The following BLTP2 variants were observed in gnomAD, a reference collection of about 807,000 sequenced individuals.
The protein encoded by BLTP2 is bridge-like lipid transfer protein family member 2, also known as U937-associated antigen.
the BLTP2 span, chr17:28,642,436 G>C: frequency 1.1e-6 from 1 of 898,094 alleles, no homozygotes; most frequent in Admixed American, 1.8e-5. Flanking sequence ...AGGATCATGA[G>C]GTCAGGAGAT....
the BLTP2 span, among the ~76,000 whole-genome samples, chr17:28,624,961 T>C: frequency 1.3e-5 from 2 of 152,166 alleles, no homozygotes; most frequent in African/African-American, 4.8e-5. Context: ...AGTCTGCCTG[T>C]ATTGTGACCT....
At chr17:28,628,248 C>T in the BLTP2 span, 5 of 1,611,130 alleles carry the variant, frequency 3.1e-6, no homozygotes, top group Non-Finnish European at 3.4e-6. Context: ...CAAAAAGTCT[C>T]ATCTCCCCGA....
the BLTP2 span, among the ~76,000 whole-genome samples, chr17:28,625,047 G>GT: frequency 6.6e-6 from 1 of 152,146 alleles, no homozygotes; most frequent in Non-Finnish European, 1.5e-5. Context: ...TGCTATGAAA[G>GT]TTTAACGGGG....
At chr17:28,626,026 G>C in the BLTP2 span, among the ~76,000 whole-genome samples, 1 of 152,192 alleles carries the variant, frequency 6.6e-6, no homozygotes, top group East Asian at 1.9e-4. Context: ...GCCTCCCAAA[G>C]TGCTGGGACT....
the BLTP2 span, among the ~76,000 whole-genome samples, chr17:28,630,439 T>C: frequency 6.6e-6 from 1 of 151,044 alleles, no homozygotes; most frequent in Non-Finnish European, 1.5e-5. Context: ...ATTACAGGCA[T>C]GAGCCACCTG....
chr17:28,624,427 C>T, the BLTP2 span: 2 of 1,588,430 alleles, frequency 1.3e-6, no homozygotes, highest in Admixed American at 3.5e-5. Context: ...AGGTCACAGT[C>T]TCAAAGGGAA....
chr17:28,639,931 C>T, the BLTP2 span: 3 of 1,613,922 alleles, frequency 1.9e-6, no homozygotes, highest in South Asian at 3.3e-5. Context: ...CTCATCTGTG[C>T]CATATCAGAG....
chr17:28,634,761 G>A, the BLTP2 span: 1 of 1,614,150 alleles, frequency 6.2e-7, no homozygotes, highest in East Asian at 2.2e-5. Flanking sequence ...AGATTTCAAT[G>A]TTTTTGCGTT....
the BLTP2 span, chr17:28,635,405 G>A: frequency 1.2e-6 from 2 of 1,614,238 alleles, no homozygotes; most frequent in Non-Finnish European, 1.7e-6. Context: ...AGGTTTAGCA[G>A]CCGCTTTGGG....
At chr17:28,637,543 A>T in the BLTP2 span, among the ~76,000 whole-genome samples, 1 of 152,234 alleles carries the variant, frequency 6.6e-6, no homozygotes, top group East Asian at 1.9e-4. Flanking sequence ...TTTATGCAAG[A>T]CTTTCAAGCA....
At chr17:28,624,355 C>CT in the BLTP2 span, 1 of 1,613,648 alleles carries the variant, frequency 6.2e-7, no homozygotes, top group Non-Finnish European at 8.5e-7. Flanking sequence ...ACAAACCTAT[C>CT]TGTCTCTTCA....
chr17:28,623,971 G>A, the BLTP2 span: 1 of 1,612,744 alleles, frequency 6.2e-7, no homozygotes, highest in Non-Finnish European at 8.5e-7. Flanking sequence ...AACCATCTAT[G>A]CCAGAGATAG....
chr17:28,628,635 T>C, the BLTP2 span: 1 of 1,304,358 alleles, frequency 7.7e-7, no homozygotes, highest in African/African-American at 1.5e-5. Flanking sequence ...TAAAAGTTTG[T>C]TGAATAAGAA....
At chr17:28,621,056 G>A in the BLTP2 span, 2 of 1,614,112 alleles carry the variant, frequency 1.2e-6, no homozygotes, top group Non-Finnish European at 1.7e-6. Flanking sequence ...AATCTGAGTT[G>A]CTAGTTCAGG....
the BLTP2 span, among the ~76,000 whole-genome samples, chr17:28,636,764 C>T: frequency 6.6e-6 from 1 of 151,876 alleles, no homozygotes; most frequent in Non-Finnish European, 1.5e-5. Context: ...AGAGGCTGGG[C>T]GTGGTGGCTC....
chr17:28,643,599 AG>A, the BLTP2 span: 5 of 1,611,686 alleles, frequency 3.1e-6, no homozygotes, highest in Non-Finnish European at 4.2e-6. Flanking sequence ...GTGAGAATAT[AG>A]GGTACTCACG....
chr17:28,621,950 A>G, the BLTP2 span, among the ~76,000 whole-genome samples: 5 of 152,166 alleles, frequency 3.3e-5, no homozygotes, highest in Admixed American at 3.3e-4. Flanking sequence ...CTGAAGTCAG[A>G]GTGAATAACA....
At chr17:28,614,999 C>T in the BLTP2 span, 11 of 1,483,618 alleles carry the variant, frequency 7.4e-6, no homozygotes, top group African/African-American at 1.4e-5. Flanking sequence ...GCCCCTCCCA[C>T]CCCACAAGTC....
the BLTP2 span, among the ~76,000 whole-genome samples, chr17:28,629,147 A>C: frequency 4.6e-5 from 7 of 152,184 alleles, no homozygotes; most frequent in South Asian, 1.2e-3. Context: ...GGCTTCAAGC[A>C]ATCTTCCTGC....
Sources: gnomAD v4.1 joint callset for allele counts (sites outside exome capture counted in the v4.1 genomes callset) on GRCh38, gnomAD v4.1.1 for gene constraint, MANE v1.5 for transcripts, NCBI Gene and HGNC (gene_info 2026-07-23, HGNC 2026-07-21) for gene names.